SNPH: variants seen among roughly 807,000 people sequenced by gnomAD.
SNPH encodes syntaphilin.
SNPH carries 10 observed loss-of-function variants against 36.8 expected under a neutral mutation model. The observed-to-expected ratio is 0.27, with a 90% CI of 0.17 to 0.46. SNPH has a LOEUF of 0.46. Among genes scored for constraint, SNPH ranks in the 20% least tolerant of loss-of-function variants. The pLI is 1.00. For missense variants in SNPH, 622 were observed against 744.0 expected (o/e 0.84, Z 1.91); for synonymous variants, 281 against 312.2 (o/e 0.90, Z 1.05).
chr20:1,304,422 G>A lies in SNPH; in HGVS notation c.441-456G>A, dbSNP rs1258078409. Among the ~76,000 whole-genome samples the A allele has an allele frequency of 6.6e-6, 1 of 152,162 alleles. No individual in the cohort carries two copies. Among genetic ancestry groups the A allele is most frequent in the Non-Finnish European group, 1.5e-5 (1 of 68,034 alleles). ...TGCAACCTGCTTTAGTAGGTAGTAGGAGGCTACATCACTTTCTATAGAGCA... is the reference window on the plus strand; with the variant it reads ...TGCAACCTGCTTTAGTAGGTAGTAGAAGGCTACATCACTTTCTATAGAGCA... On this transcript the variant is annotated intron_variant, in intron 6 of 6. Transcript: ENST00000381867. The surrounding 1 kb of genome is among the most constrained non-coding windows in gnomAD (Gnocchi z 4.3).
chr20:1,291,846 T>G (rs1420914622), intron 2 of SNPH, among the ~76,000 whole-genome samples: 1 of 152,242 alleles, frequency 6.6e-6, no homozygotes, highest in Non-Finnish European at 1.5e-5. Flanking sequence ...GCACCTGGTT[T>G]TTCCCCCATG....
At chr20:1,288,726 A>G (rs1294664644) in intron 2 of SNPH, among the ~76,000 whole-genome samples, 1 of 150,404 alleles carries the variant, frequency 6.6e-6, no homozygotes, top group African/African-American at 2.5e-5. Flanking sequence ...GGCTCAAGAT[A>G]TTCTCCTGTC....
chr20:1,287,034 C>T (rs555855704), intron 2 of SNPH, among the ~76,000 whole-genome samples: 1 of 152,278 alleles, frequency 6.6e-6, no homozygotes, highest in South Asian at 2.1e-4. Context: ...CCCAGTGGAC[C>T]ATCATCTTGC....
In SNPH at chr20:1,296,072, A is replaced by G; in HGVS notation, c.-168A>G. 1 of 555,982 alleles carries G rather than the reference A, an allele frequency of 1.8e-6. No homozygotes were observed. Among genetic ancestry groups the G allele is most frequent in the East Asian group, 3.5e-5 (1 of 28,872 alleles). The allele number at this position is 555,982 out of a possible 1,614,324, so 34.4% of individuals were successfully genotyped here. On this transcript the variant is annotated 5_prime_UTR_variant, in exon 4 of 7. Transcript: ENST00000381867. ...GTCTGGGGCACATTCACTCATCTGG[A>G]GAACACAGGGTTGGACTGATTACTT...
rs114238906 is a variant in SNPH, at chr20:1,273,886, G to C, written c.-493+7126G>C. Among the ~76,000 whole-genome samples the C allele has an allele frequency of 4.5e-3, 688 of 152,278 alleles. 6 individuals carry two copies. Among genetic ancestry groups the C allele is most frequent in the African/African-American group, 0.016 (652 of 41,548 alleles). ...GAGACTCAGAGAGGGGAGGAAATTT[G>C]TTCAAGGTTACACAGCGGCTGTGTA... On this transcript the variant is annotated intron_variant, in intron 2 of 6. Transcript: ENST00000381867.
intron 2 of SNPH, among the ~76,000 whole-genome samples, chr20:1,278,282 T>C (rs896521579): frequency 2.0e-5 from 3 of 152,080 alleles, no homozygotes; most frequent in Admixed American, 6.5e-5. Flanking sequence ...GTATGTGTGT[T>C]GTTTGTGTTG....
chr20:1,288,810 C>T (rs528936531), intron 2 of SNPH, among the ~76,000 whole-genome samples: 18 of 152,106 alleles, frequency 1.2e-4, no homozygotes, highest in Admixed American at 5.9e-4. Context: ...TTAATAGAGA[C>T]AGGTTTTTGC....
In SNPH at chr20:1,266,910, C is replaced by A. The variant is rs185311666; in HGVS notation, c.-493+150C>A. 4 of 1,130,474 alleles carry A rather than the reference C, an allele frequency of 3.5e-6. No individual in the cohort carries two copies. The East Asian group carries it at 9.7e-5, about 27-fold the overall frequency. 70.0% of individuals were successfully genotyped at this position (1,130,474 alleles called of 1,614,324 possible). ...GACTCATTCTTACCCTCCCTTCATT[C>A]CCCTACATCCCTTTAAGCGCTTCCC... On this transcript the variant is annotated intron_variant, in intron 2 of 6. Coordinates refer to ENST00000381867, the MANE Select transcript of SNPH (RefSeq NM_001318234.2). The surrounding 1 kb of genome is among the most constrained non-coding windows in gnomAD (Gnocchi z 6.0).
chr20:1,281,191 G>A (rs1453435248), intron 2 of SNPH, among the ~76,000 whole-genome samples: 1 of 152,158 alleles, frequency 6.6e-6, no homozygotes, highest in African/African-American at 2.4e-5. Context: ...ACCCTCAAGA[G>A]TCTACTTCCT....
At chr20:1,287,683 T>G (rs2088300126) in intron 2 of SNPH, among the ~76,000 whole-genome samples, 1 of 152,176 alleles carries the variant, frequency 6.6e-6, no homozygotes, top group South Asian at 2.1e-4. Flanking sequence ...TACCTAATCT[T>G]ACATCCAGGA....
intron 2 of SNPH, among the ~76,000 whole-genome samples, chr20:1,278,227 AGT>A (rs2088176538): frequency 8.3e-6 from 1 of 120,574 alleles, no homozygotes; most frequent in African/African-American, 3.2e-5. Context: ...TTTGTGTGTC[AGT>A]GTCTGTGTGT....
chr20:1,298,467 G>T (rs1003914778), intron 5 of SNPH, among the ~76,000 whole-genome samples: 1 of 152,232 alleles, frequency 6.6e-6, no homozygotes, highest in African/African-American at 2.4e-5. Context: ...CCATGTGCAG[G>T]ACTCATGCCC....
At chr20:1,300,427 T>G in intron 5 of SNPH, 135 bp from the exon 6 acceptor site, 1 of 868,536 alleles carries the variant, frequency 1.2e-6, no homozygotes, top group Non-Finnish European at 1.8e-6. Flanking sequence ...TCTCCTGCCT[T>G]GTGTGGGAGG....
At chr20:1,283,033 A>G (rs2088244183) in intron 2 of SNPH, among the ~76,000 whole-genome samples, 2 of 152,182 alleles carry the variant, frequency 1.3e-5, no homozygotes, top group Non-Finnish European at 2.9e-5. Flanking sequence ...TTATTTTACA[A>G]GGTCGGGGAG....
Position 1,266,794 on chromosome 20 carries a change from C to T in SNPH, c.-493+34C>T. The T allele has an allele frequency of 1.5e-6, 2 of 1,322,148 alleles. No homozygotes were observed. Among genetic ancestry groups the T allele is most frequent in the East Asian group, 3.1e-5 (1 of 31,938 alleles). The allele number at this position is 1,322,148 out of a possible 1,614,324, so 81.9% of individuals were successfully genotyped here. On this transcript the variant is annotated intron_variant, in intron 2 of 6. Transcript: ENST00000381867. The surrounding 1 kb of genome is among the most constrained non-coding windows in gnomAD (Gnocchi z 6.0). Reference sequence around the variant, plus strand: ...GCCGCGGCGGAGCGGGGAGCTGGCCCTGCGCTGCACCGCGGCAGGTGGGGG... The same window carrying T: ...GCCGCGGCGGAGCGGGGAGCTGGCCTTGCGCTGCACCGCGGCAGGTGGGGG...
chr20:1,288,123 G>A (rs1328890653), intron 2 of SNPH, among the ~76,000 whole-genome samples: 1 of 152,258 alleles, frequency 6.6e-6, no homozygotes, highest in African/African-American at 2.4e-5. Context: ...AGCAGAGTTT[G>A]CCAGTCATTT....
intron 2 of SNPH, among the ~76,000 whole-genome samples, chr20:1,281,029 G>A (rs2088211855): frequency 6.6e-6 from 1 of 152,144 alleles, no homozygotes; most frequent in Non-Finnish European, 1.5e-5. Context: ...TATGTTTTAA[G>A]GTGGGTATAT....
rs756127792 is a variant in SNPH at position 1,306,009 on chromosome 20, G to T, written c.1572G>T (p.Leu524=). Residue 524 remains leucine, a synonymous_variant, in exon 7 of 7, where the codon CTG becomes CTT. Coordinates refer to ENST00000381867, the MANE Select transcript of SNPH (RefSeq NM_001318234.2). ...HSIRRISCRS[L]SQPSPSPAGG... ...TCCGCAGGATCAGCTGCCGCTCGCT[G>T]AGCCAGCCGAGTCCCAGCCCAGCGG... The T allele has an allele frequency of 6.6e-7, 1 of 1,520,876 alleles. No homozygotes were observed. The highest frequency in any genetic ancestry group is 2.5e-5 in the East Asian group (1 of 40,752). The allele number at this position is 1,520,876 out of a possible 1,614,324, so 94.2% of individuals were successfully genotyped here.
In SNPH at chr20:1,306,328, G is replaced by C; in HGVS notation, c.*274G>C. 1 of 371,676 alleles carries C rather than the reference G, an allele frequency of 2.7e-6. No individual in the cohort carries two copies. The highest frequency in any genetic ancestry group is 7.2e-5 in the South Asian group (1 of 13,844). The allele number at this position is 371,676 out of a possible 1,614,324, so 23.0% of individuals were successfully genotyped here. On this transcript the variant is annotated 3_prime_UTR_variant, in exon 7 of 7. Coordinates refer to ENST00000381867, the MANE Select transcript of SNPH (RefSeq NM_001318234.2). ...GAGGGGAGGGAGCGAGGGCCAACCC[G>C]GCCCCTCTGTCCCCTTGGCTCTTCA...
Sources: gnomAD v4.1 joint callset for allele counts (sites outside exome capture counted in the v4.1 genomes callset) on GRCh38, gnomAD v4.1.1 for gene constraint, Gnocchi (gnomAD v3.1) non-coding constraint, MANE v1.5 for transcripts, NCBI Gene and HGNC (gene_info 2026-07-23, HGNC 2026-07-21) for gene names.